ARPP21: variants seen among roughly 807,000 people sequenced by gnomAD.
The protein encoded by ARPP21 is cAMP-regulated phosphoprotein 21.
Under a neutral mutation model 113.2 loss-of-function variants are expected in ARPP21, and 69 were observed. The ratio of observed to expected loss-of-function variants is 0.61; its 90% CI spans 0.50 to 0.74. The LOEUF (loss-of-function observed/expected upper bound fraction) is 0.74. Among genes scored for constraint, ARPP21 ranks in the 30% least tolerant of loss-of-function variants. The pLI is 0.00. For synonymous variants in ARPP21, 368 were observed against 375.5 expected, an observed-to-expected ratio of 0.98 and a Z score of 0.23; for missense variants, 1,070 against 1,037.4, an observed-to-expected ratio of 1.03 and a Z score of -0.43.
intron 17 of ARPP21, among the ~76,000 whole-genome samples, chr3:35,738,588 G>A (rs1413784634): frequency 6.6e-6 from 1 of 152,214 alleles, no homozygotes. Context: ...AATGCCTTCA[G>A]AGTTAGAAAT....
chr3:35,751,477 C>T (rs920186051), intron 19 of ARPP21, among the ~76,000 whole-genome samples: 7 of 152,012 alleles, frequency 4.6e-5, no homozygotes, highest in Admixed American at 4.6e-4. Context: ...AGTAAGTAAG[C>T]GATACTCCAA....
chr3:35,737,018 A>G (rs1013692525), intron 15 of ARPP21, among the ~76,000 whole-genome samples, 160 bp from the exon 16 acceptor site: 3 of 152,224 alleles, frequency 2.0e-5, no homozygotes, highest in African/African-American at 7.2e-5. Flanking sequence ...ATGGGTCACA[A>G]ACAGTAAGGT....
chr3:35,685,799 T>A, intron 5 of ARPP21: 1 of 852,320 alleles, frequency 1.2e-6, no homozygotes, highest in Non-Finnish European at 1.4e-6. Flanking sequence ...TATAAACTTA[T>A]CCTGTACCAA....
At chr3:35,668,897 A>G (rs2075631665) in intron 1 of ARPP21, among the ~76,000 whole-genome samples, 1 of 152,156 alleles carries the variant, frequency 6.6e-6, no homozygotes. Flanking sequence ...TTTTCTATTT[A>G]GCAGACTTTA....
intron 19 of ARPP21, among the ~76,000 whole-genome samples, chr3:35,768,079 CGTGTGT>C (rs5847897): frequency 0.05 from 5,567 of 111,564 alleles, 152 homozygotes; most frequent in East Asian, 0.096. Flanking sequence ...CATGCTTTTC[CGTGTGT>C]GTGTGTGTGT....
chr3:35,760,854 T>TA (rs903940264), intron 19 of ARPP21, among the ~76,000 whole-genome samples: 25 of 151,894 alleles, frequency 1.6e-4, no homozygotes, highest in Admixed American at 6.6e-4. Context: ...AATGGGCTTA[T>TA]AAAAAAAATG....
intron 1 of ARPP21, among the ~76,000 whole-genome samples, chr3:35,665,683 A>C (rs991667861): frequency 2.6e-5 from 4 of 152,168 alleles, no homozygotes; most frequent in African/African-American, 9.7e-5. Context: ...GCATTTGTTC[A>C]TGAAACCATC....
At chr3:35,767,905 G>C (rs1286275210) in intron 19 of ARPP21, among the ~76,000 whole-genome samples, 2 of 151,894 alleles carry the variant, frequency 1.3e-5, no homozygotes, top group Non-Finnish European at 2.9e-5. Context: ...ATTCAAATCA[G>C]CATGGGAACT....
intron 19 of ARPP21, among the ~76,000 whole-genome samples, chr3:35,747,457 G>C (rs896495861): frequency 6.6e-6 from 1 of 151,596 alleles, no homozygotes; most frequent in African/African-American, 2.4e-5. Context: ...AGCTACATTT[G>C]TGAGAAAAAT....
Position 35,665,999 on chromosome 3 carries a change from A to G in ARPP21, c.-212-13788A>G, listed in dbSNP as rs1212407835. ...ATGATGGCTCAACTGGGCTGTGCCC[A>G]TATCCTCAGAACCTCAACTCCAACC... is the stretch of plus-strand genomic sequence containing the variant. On this transcript the variant is annotated intron_variant, in intron 1 of 20. Transcript: ENST00000684406. Among the ~76,000 whole-genome samples, 3 of 152,250 alleles carry G rather than the reference A, an allele frequency of 2.0e-5. No individual in the cohort carries two copies. In the East Asian group the frequency reaches 5.8e-4, roughly 29 times the overall value.
At chr3:35,666,624 A>G (rs1400086352) in intron 1 of ARPP21, among the ~76,000 whole-genome samples, 1 of 151,506 alleles carries the variant, frequency 6.6e-6, no homozygotes, top group East Asian at 1.9e-4. Context: ...AATTCCTTTT[A>G]TTGCACATTT....
At chr3:35,686,423 A>G (rs2080607259) in intron 5 of ARPP21, among the ~76,000 whole-genome samples, 1 of 151,720 alleles carries the variant, frequency 6.6e-6, no homozygotes, top group Non-Finnish European at 1.5e-5. Flanking sequence ...TGATGAAAGT[A>G]TGTTTTATTT....
chr3:35,721,881 C>A, intron 14 of ARPP21, 47 bp downstream of exon 14: 1 of 1,281,186 alleles, frequency 7.8e-7, no homozygotes, highest in Non-Finnish European at 1.1e-6. Context: ...TTTTTGGATT[C>A]TACCCAAGCC....
chr3:35,792,468 A>T lies in ARPP21; in HGVS notation c.2224A>T (p.Asn742Tyr), dbSNP rs749862781. 1 of 1,614,094 alleles carries T rather than the reference A, an allele frequency of 6.2e-7. No individual in the cohort carries two copies. The highest frequency in any genetic ancestry group is 1.1e-5 in the South Asian group (1 of 91,088). The stretch of plus-strand genomic sequence containing the variant: ...ACCTCAGAGTCAGAACGTGATAAAT[A>T]ACCAACAAGGAACTCCGGTGCAAAG... ...QPPQSQNVIN[N>Y]QQGTPVQSVM... Residue 742 changes from asparagine (N) to tyrosine (Y), a missense_variant, in exon 20 of 21, where the codon AAC becomes TAC. Coordinates refer to ENST00000684406, the MANE Select transcript of ARPP21 (RefSeq NM_001385562.1).
At chr3:35,760,736 T>C (rs1449311454) in intron 19 of ARPP21, among the ~76,000 whole-genome samples, 2 of 152,140 alleles carry the variant, frequency 1.3e-5, no homozygotes, top group South Asian at 4.1e-4. Context: ...CCTAAGGAAA[T>C]GTGTGAATGT....
intron 14 of ARPP21, among the ~76,000 whole-genome samples, chr3:35,723,279 T>C (rs1219057688): frequency 2.6e-5 from 4 of 152,222 alleles, no homozygotes; most frequent in African/African-American, 7.2e-5. Flanking sequence ...CATTTGCTAA[T>C]GGTTTAACAT....
intron 13 of ARPP21, among the ~76,000 whole-genome samples, chr3:35,719,784 A>T (rs2092869739): frequency 6.6e-6 from 1 of 152,188 alleles, no homozygotes. Flanking sequence ...TTCTATAATA[A>T]ATATTTCAAA....
At chr3:35,741,028 G>T (rs2094625632) in intron 18 of ARPP21, among the ~76,000 whole-genome samples, 1 of 152,188 alleles carries the variant, frequency 6.6e-6, no homozygotes, top group South Asian at 2.1e-4. Context: ...CTTGAGCCTG[G>T]GATGTCAAGG....
At chr3:35,671,566 A>T (rs1478281615) in intron 1 of ARPP21, among the ~76,000 whole-genome samples, 2 of 152,194 alleles carry the variant, frequency 1.3e-5, no homozygotes, top group East Asian at 3.9e-4. Flanking sequence ...GGGAGAAAAA[A>T]CAAAAGACCC....
Sources: allele counts gnomAD v4.1 joint callset (sites outside exome capture counted in the v4.1 genomes callset), GRCh38; gene constraint gnomAD v4.1.1; transcripts MANE v1.5; gene names NCBI Gene and HGNC (gene_info 2026-07-23, HGNC 2026-07-21).